Variants in IGSF21 observed in about 807,000 individuals in gnomAD.
IGSF21 encodes the protein immunoglobulin superfamily member 21.
In IGSF21, 28 loss-of-function variants were observed where a neutral mutation model predicts 46.8. The ratio of observed to expected loss-of-function variants is 0.60; its 90% confidence interval spans 0.44 to 0.82. The LOEUF (loss-of-function observed/expected upper bound fraction) is 0.82. Among genes scored for constraint, IGSF21 ranks in the 40% least tolerant of loss-of-function variants. IGSF21 has a pLI of 0.00. For synonymous variants in IGSF21, 284 were observed against 273.6 expected, an observed-to-expected ratio of 1.04 and a Z score of -0.38; for missense variants, 624 against 665.5, an observed-to-expected ratio of 0.94 and a Z score of 0.69.
chr1:18,160,202 C>T (rs913611992), intron 1 of IGSF21, among the ~76,000 whole-genome samples: 1 of 152,148 alleles, frequency 6.6e-6, no homozygotes, highest in East Asian at 1.9e-4. Context: ...GAGTTATAAC[C>T]AGATAGAAAA....
At chr1:18,129,882 C>T (rs898877615) in intron 1 of IGSF21, among the ~76,000 whole-genome samples, 1 of 152,174 alleles carries the variant, frequency 6.6e-6, no homozygotes, top group Non-Finnish European at 1.5e-5. Flanking sequence ...CCCCTCTTGC[C>T]CTTCCGCGCG....
At chr1:18,134,783 G>A (rs982010415) in intron 1 of IGSF21, among the ~76,000 whole-genome samples, 1 of 152,216 alleles carries the variant, frequency 6.6e-6, no homozygotes, top group African/African-American at 2.4e-5. Flanking sequence ...GGCAGTGAGA[G>A]TCCACTGTGG....
At chr1:18,344,362 G>T (rs1050934166) in intron 4 of IGSF21, among the ~76,000 whole-genome samples, 3 of 152,070 alleles carry the variant, frequency 2.0e-5, no homozygotes, top group African/African-American at 7.2e-5. Flanking sequence ...TAGACACAGG[G>T]TCTCACTCTG....
At chr1:18,195,919 A>G (rs1452532880) in intron 1 of IGSF21, among the ~76,000 whole-genome samples, 1 of 152,192 alleles carries the variant, frequency 6.6e-6, no homozygotes, top group African/African-American at 2.4e-5. Flanking sequence ...GGAGGCAGAG[A>G]AGGCTTCCCG....
chr1:18,217,454 G>A (rs1162602978), intron 1 of IGSF21, among the ~76,000 whole-genome samples: 6 of 152,194 alleles, frequency 3.9e-5, no homozygotes, highest in African/African-American at 1.4e-4. Flanking sequence ...AGATGTGGCG[G>A]AACAAATTGG....
intron 1 of IGSF21, among the ~76,000 whole-genome samples, chr1:18,148,520 C>A (rs2086491446): frequency 6.6e-6 from 1 of 152,192 alleles, no homozygotes; most frequent in Admixed American, 6.5e-5. Flanking sequence ...GGCCACACAG[C>A]TGGCTAGTGG....
At chr1:18,263,561 C>T (rs1339976037) in intron 2 of IGSF21, among the ~76,000 whole-genome samples, 1 of 152,090 alleles carries the variant, frequency 6.6e-6, no homozygotes, top group Non-Finnish European at 1.5e-5. Flanking sequence ...GTCCTTTTTG[C>T]TGACAGCTTC....
At chr1:18,115,901 GA>G (rs1553146741) in intron 1 of IGSF21, 16 of 89,464 alleles carry the variant, frequency 1.8e-4, no homozygotes, top group Non-Finnish European at 2.3e-4. Flanking sequence ...AAGAAAGAAA[GA>G]AGGAGAGGGA....
chr1:18,279,688 C>T (rs61406467), intron 2 of IGSF21, among the ~76,000 whole-genome samples: 2,757 of 152,316 alleles, frequency 0.018, 87 homozygotes, highest in African/African-American at 0.063. Flanking sequence ...TGCTGGAGCT[C>T]GTGGTAAAGT....
intron 2 of IGSF21, among the ~76,000 whole-genome samples, chr1:18,232,330 A>G (rs191481469): frequency 1.8e-4 from 28 of 152,234 alleles, no homozygotes; most frequent in African/African-American, 6.5e-4. Flanking sequence ...TGAATAATAA[A>G]TAATGTTCTT....
rs1259677999 is a variant in IGSF21, at chr1:18,337,920, T to C, written c.424+2910T>C. On this transcript the variant is annotated intron_variant, in intron 4 of 9. Coordinates refer to ENST00000251296, the MANE Select transcript of IGSF21 (RefSeq NM_032880.5). The surrounding 1 kb of genome is among the most constrained non-coding windows in gnomAD (Gnocchi z 5.7). Reference sequence around the variant, plus strand: ...TCCAGGCCTTATAGGGTGGGGGTTATCTCTGTGCCAGAGGAGCGTGGCTTC... The same window carrying C: ...TCCAGGCCTTATAGGGTGGGGGTTACCTCTGTGCCAGAGGAGCGTGGCTTC... Among the ~76,000 whole-genome samples, 2 of 152,150 alleles carry C rather than the reference T, an allele frequency of 1.3e-5. No homozygotes were observed. Among genetic ancestry groups the C allele is most frequent in the Admixed American group, 6.5e-5 (1 of 15,278 alleles).
At position 18,334,863 on chromosome 1, in the gene IGSF21, G is replaced by C; in HGVS notation, c.306-29G>C. The C allele has an allele frequency of 1.3e-6, 2 of 1,547,738 alleles. No homozygotes were observed. Among genetic ancestry groups the C allele is most frequent in the Non-Finnish European group, 1.8e-6 (2 of 1,120,044 alleles). Reference sequence around the variant, plus strand: ...GCCTCACCCAGCCCCACGATGAAGGGCCCTCACCCTGTCTTCTGCCTCCCC... The same window carrying C: ...GCCTCACCCAGCCCCACGATGAAGGCCCCTCACCCTGTCTTCTGCCTCCCC... On this transcript the variant is annotated intron_variant, in intron 3 of 9. Coordinates refer to ENST00000251296, the MANE Select transcript of IGSF21 (RefSeq NM_032880.5). This position sits in a 1 kb window ranked among gnomAD's most constrained non-coding sequence, Gnocchi z 4.3.
rs764574531 is a variant in IGSF21 at position 18,334,356 on chromosome 1, G to T, written c.306-536G>T. ...TGATCTCAGGACTGGGCATGAAGTGGCAGCATGGCGGCATGGAGAGAGAAA... is the reference window on the plus strand; with the variant it reads ...TGATCTCAGGACTGGGCATGAAGTGTCAGCATGGCGGCATGGAGAGAGAAA... On this transcript the variant is annotated intron_variant, in intron 3 of 9. Transcript: ENST00000251296. The surrounding 1 kb of genome is among the most constrained non-coding windows in gnomAD (Gnocchi z 4.3). 1.3e-5 allele frequency among the ~76,000 whole-genome samples: 2 copies of T among 152,174 alleles called. No individual in the cohort carries two copies. Among genetic ancestry groups the T allele is most frequent in the Non-Finnish European group, 2.9e-5 (2 of 68,036 alleles).
chr1:18,313,167 C>T (rs559935857), intron 3 of IGSF21, among the ~76,000 whole-genome samples: 5 of 152,252 alleles, frequency 3.3e-5, no homozygotes, highest in South Asian at 2.1e-4. Context: ...CAGGGAGGAC[C>T]GCCGGGAGGA....
intron 3 of IGSF21, among the ~76,000 whole-genome samples, chr1:18,323,664 G>C (rs1206114993): frequency 6.6e-6 from 1 of 152,064 alleles, no homozygotes; most frequent in East Asian, 1.9e-4. Flanking sequence ...GAGGGAGCTG[G>C]GGGCAGGGCG....
intron 1 of IGSF21, among the ~76,000 whole-genome samples, chr1:18,147,775 C>T (rs1487848033): frequency 2.6e-5 from 4 of 152,140 alleles, no homozygotes; most frequent in Admixed American, 1.3e-4. Flanking sequence ...TTATTATCTC[C>T]ATTTTTACTG....
intron 4 of IGSF21, 151 bp from the exon 5 acceptor site, chr1:18,361,964 G>A: frequency 1.6e-6 from 1 of 612,730 alleles, no homozygotes; most frequent in Non-Finnish European, 3.0e-6. Context: ...TCACTGTAGT[G>A]GATACCAATG....
chr1:18,271,491 A>G (rs1359970916), intron 2 of IGSF21, among the ~76,000 whole-genome samples: 4 of 152,142 alleles, frequency 2.6e-5, no homozygotes, highest in Non-Finnish European at 5.9e-5. Flanking sequence ...TCTCAATCAC[A>G]AGCAAACCTG....
chr1:18,196,762 C>T (rs923826049), intron 1 of IGSF21, among the ~76,000 whole-genome samples: 12 of 152,156 alleles, frequency 7.9e-5, no homozygotes, highest in South Asian at 2.1e-4. Context: ...TAGGCAGTGA[C>T]GGAGCTGGGA....
Sources: allele counts gnomAD v4.1 joint callset (sites outside exome capture counted in the v4.1 genomes callset), GRCh38; gene constraint gnomAD v4.1.1; non-coding constraint Gnocchi (gnomAD v3.1); transcripts MANE v1.5; gene names NCBI Gene and HGNC (gene_info 2026-07-23, HGNC 2026-07-21).